Variants in EPB41L1 observed in about 807,000 individuals in gnomAD.
The protein encoded by EPB41L1 is band 4.1-like protein 1.
A neutral mutation model predicts 97.8 loss-of-function variants in EPB41L1; 29 were observed. The ratio of observed to expected loss-of-function variants is 0.30; its 90% confidence interval spans 0.22 to 0.40. EPB41L1 has a LOEUF of 0.40. Among genes scored for constraint, EPB41L1 ranks in the 10% least tolerant of loss-of-function variants. The pLI, the probability that EPB41L1 is intolerant of heterozygous loss-of-function variation, is 1.00. For missense variants in EPB41L1, 812 were observed against 1,162.3 expected (o/e 0.70, Z 4.38); for synonymous variants, 383 against 459.2 (o/e 0.83, Z 2.12).
At chr20:36,135,158 C>T in intron 2 of EPB41L1, among the ~76,000 whole-genome samples, 1 of 152,142 alleles carries the variant, frequency 6.6e-6, no homozygotes, top group Non-Finnish European at 1.5e-5. Context: ...CCACTGCACC[C>T]AGCCTACTTT....
Position 36,229,615 on chromosome 20 carries a change from C to A in EPB41L1, c.*275C>A. The A allele has an allele frequency of 3.0e-6, 1 of 329,828 alleles. No homozygotes were observed. The highest frequency in any genetic ancestry group is 5.5e-6 in the Non-Finnish European group (1 of 181,650). 20.4% of individuals were successfully genotyped at this position (329,828 alleles called of 1,614,324 possible). On this transcript the variant is annotated 3_prime_UTR_variant, in exon 22 of 22. Transcript: ENST00000338074. ...CATCTGAACACCTACATTTCCTTTGCAGACAAATTGAAGAACTGGTGGGAT... is the reference window on the plus strand; with the variant it reads ...CATCTGAACACCTACATTTCCTTTGAAGACAAATTGAAGAACTGGTGGGAT...
At chr20:36,117,177 C>T (rs904317760) in intron 2 of EPB41L1, among the ~76,000 whole-genome samples, 1 of 152,134 alleles carries the variant, frequency 6.6e-6, no homozygotes, top group Non-Finnish European at 1.5e-5. Flanking sequence ...CTCTGGCTAC[C>T]CTAGCTGCTC....
In EPB41L1 at chr20:36,138,220, A is replaced by T. The variant is rs2590950; in HGVS notation, c.-10+25740A>T. 4.7e-3 allele frequency among the ~76,000 whole-genome samples: 714 copies of T among 150,588 alleles called. 2 individuals carry two copies. The highest frequency in any genetic ancestry group is 0.017 in the African/African-American group (695 of 40,952). The stretch of plus-strand genomic sequence containing the variant: ...GACACCTTGCTTTCAATTATTTTGG[A>T]TATAGCCTCAGAAGTGGAATTGCTG... On this transcript the variant is annotated intron_variant, in intron 2 of 19. Coordinates refer to the EPB41L1 transcript ENST00000202028.
intron 21 of EPB41L1, 147 bp downstream of exon 21, chr20:36,222,541 C>T: frequency 1.5e-6 from 1 of 664,398 alleles, no homozygotes; most frequent in Non-Finnish European, 2.6e-6. Context: ...ATTTGCTGCT[C>T]AAAGGAGAGA....
At position 36,232,212 on chromosome 20, in the gene EPB41L1, T is replaced by G. The variant is rs2064518969; in HGVS notation, c.*2872T>G. 1.2e-5 allele frequency: 2 copies of G among 165,336 alleles called. No homozygotes were observed. Among genetic ancestry groups the G allele is most frequent in the Non-Finnish European group, 2.6e-5 (2 of 77,262 alleles). 10.2% of individuals were successfully genotyped at this position (165,336 alleles called of 1,614,324 possible). On this transcript the variant is annotated 3_prime_UTR_variant, in exon 22 of 22. Coordinates refer to ENST00000338074, the MANE Select transcript of EPB41L1 (RefSeq NM_012156.2). The stretch of plus-strand genomic sequence containing the variant: ...ATAGAGACGTTTGTCTTGTCTGTCT[T>G]CAACCTACTTTTCCTTTTCTCTTTT...
chr20:36,197,104 G>A (rs1460684460), intron 13 of EPB41L1, among the ~76,000 whole-genome samples: 2 of 152,102 alleles, frequency 1.3e-5, no homozygotes, highest in African/African-American at 4.8e-5. Flanking sequence ...TCTGCTATTG[G>A]TGAGTCAGTA....
intron 1 of EPB41L1, chr20:36,155,532 C>T (rs1600642455): frequency 2.2e-6 from 1 of 451,860 alleles, no homozygotes; most frequent in Non-Finnish European, 4.4e-6. Flanking sequence ...TCCAAGGGCC[C>T]GAGAGGCTGG....
At position 36,212,499 on chromosome 20, in the gene EPB41L1, G is replaced by A; in HGVS notation, c.2184+123G>A. The stretch of plus-strand genomic sequence containing the variant: ...ATCTCAGCTTCCCTGGAACCCATAT[G>A]TTAATCCTGATGCTCTCCTGTGCCT... On this transcript the variant is annotated intron_variant, in intron 16 of 21. Coordinates refer to ENST00000338074, the MANE Select transcript of EPB41L1 (RefSeq NM_012156.2). The surrounding 1 kb of genome is among the most constrained non-coding windows in gnomAD (Gnocchi z 4.8). 1.2e-6 allele frequency: 1 copy of A among 802,262 alleles called. No individual in the cohort carries two copies. The highest frequency in any genetic ancestry group is 2.1e-5 in the Admixed American group (1 of 48,200). 49.7% of individuals were successfully genotyped at this position (802,262 alleles called of 1,614,324 possible).
chr20:36,153,913 G>T (rs2060161711), upstream of EPB41L1, among the ~76,000 whole-genome samples: 1 of 152,150 alleles, frequency 6.6e-6, no homozygotes, highest in Admixed American at 6.5e-5. Flanking sequence ...TTTGAGCCAT[G>T]ATCTCTGCCA....
chr20:36,105,873 A>C (rs2147535781), intron 1 of EPB41L1, among the ~76,000 whole-genome samples: 1 of 152,242 alleles, frequency 6.6e-6, no homozygotes, highest in East Asian at 1.9e-4. Context: ...GGAGTCACCC[A>C]GGTTTTTCTG....
intron 2 of EPB41L1, among the ~76,000 whole-genome samples, chr20:36,140,202 G>A (rs998309486): frequency 9.3e-5 from 14 of 151,096 alleles, no homozygotes; most frequent in Non-Finnish European, 1.8e-4. Flanking sequence ...CTACAGGTGC[G>A]CGCCACCACA....
intron 1 of EPB41L1, among the ~76,000 whole-genome samples, chr20:36,106,808 G>A (rs945121355): frequency 6.6e-6 from 1 of 152,186 alleles, no homozygotes; most frequent in Non-Finnish European, 1.5e-5. Context: ...CATGTAAAAT[G>A]TGGCTAGTGC....
chr20:36,218,789 C>T (rs1354800327), intron 17 of EPB41L1, 87 bp from the exon 18 acceptor site: 7 of 1,196,452 alleles, frequency 5.9e-6, no homozygotes, highest in South Asian at 3.8e-5. Flanking sequence ...ACCTTGTGGT[C>T]GTGATAGCTA....
At chr20:36,199,757 C>A (rs1262518280) in intron 14 of EPB41L1, among the ~76,000 whole-genome samples, 1 of 152,140 alleles carries the variant, frequency 6.6e-6, no homozygotes, top group Non-Finnish European at 1.5e-5. Context: ...CCTAATCAAT[C>A]CTGATGTGGG....
intron 2 of EPB41L1, among the ~76,000 whole-genome samples, chr20:36,128,871 AGGC>A (rs2059078713): frequency 6.6e-6 from 1 of 152,082 alleles, no homozygotes. Context: ...GTGTGGTGGG[AGGC>A]AGGGATGGGA....
upstream of EPB41L1, among the ~76,000 whole-genome samples, chr20:36,153,967 C>A (rs1433267662): frequency 6.6e-6 from 1 of 152,152 alleles, no homozygotes; most frequent in Admixed American, 6.5e-5. Context: ...AGCTCAGGTG[C>A]ACACTCAGCC....
At chr20:36,175,773 G>A in intron 3 of EPB41L1, 58 bp downstream of exon 3, 1 of 1,601,186 alleles carries the variant, frequency 6.2e-7, no homozygotes, top group South Asian at 1.1e-5. Context: ...TCAGGTCCAG[G>A]GCAGGCTCCT....
intron 1 of EPB41L1, among the ~76,000 whole-genome samples, chr20:36,102,599 G>T (rs938664858): frequency 5.9e-5 from 9 of 152,186 alleles, no homozygotes; most frequent in African/African-American, 2.2e-4. Flanking sequence ...TGTGGTTCTG[G>T]AAGTCAGGTC....
chr20:36,223,268 A>C (rs2063900275), intron 21 of EPB41L1, among the ~76,000 whole-genome samples: 1 of 151,958 alleles, frequency 6.6e-6, no homozygotes, highest in South Asian at 2.1e-4. Flanking sequence ...TCCTGTCCTC[A>C]AGTGATCTGC....
Sources: gnomAD v4.1 joint callset for allele counts (sites outside exome capture counted in the v4.1 genomes callset) on GRCh38, gnomAD v4.1.1 for gene constraint, Gnocchi (gnomAD v3.1) non-coding constraint, MANE v1.5 for transcripts, NCBI Gene and HGNC (gene_info 2026-07-23, HGNC 2026-07-21) for gene names.